DNAH12: variants seen among roughly 807,000 people sequenced by gnomAD.
DNAH12 encodes axonemal beta dynein heavy chain 12.
In DNAH12, 285 loss-of-function variants were observed where a neutral mutation model predicts 371.5. That is an observed-to-expected ratio of 0.77 (90% confidence interval 0.70 to 0.85). The LOEUF (loss-of-function observed/expected upper bound fraction) is 0.85, where lower values mean the gene tolerates loss of function less well. DNAH12 is among the 40% of genes least tolerant of loss of function. The pLI is 0.00. For synonymous variants in DNAH12, 1,200 were observed against 1,213.0 expected (o/e 0.99, Z 0.22); for missense variants, 3,611 against 3,689.4 (o/e 0.98, Z 0.55).
chr3:57,549,780 T>C, the DNAH12 span, among the ~76,000 whole-genome samples: 1 of 151,668 alleles, frequency 6.6e-6, no homozygotes, highest in Non-Finnish European at 1.5e-5. Context: ...TGAACCACCA[T>C]GCCCAGCTAA....
chr3:57,424,536 G>A (rs941786690), intron 35 of DNAH12, among the ~76,000 whole-genome samples: 4 of 151,332 alleles, frequency 2.6e-5, no homozygotes, highest in African/African-American at 9.7e-5. Flanking sequence ...CCAGCACTTT[G>A]GGAGGCCGAT....
intron 2 of DNAH12, 107 bp downstream of exon 2, chr3:57,542,594 A>G: frequency 8.0e-7 from 1 of 1,253,600 alleles, no homozygotes; most frequent in Non-Finnish European, 1.1e-6. Flanking sequence ...TGAAAATAGT[A>G]TTTTACCCAT....
At chr3:57,448,192 C>T (rs1302894729) in intron 25 of DNAH12, among the ~76,000 whole-genome samples, 2 of 152,178 alleles carry the variant, frequency 1.3e-5, no homozygotes, top group African/African-American at 4.8e-5. Flanking sequence ...AGTCTTACAG[C>T]TCTTAAGGTG....
chr3:57,309,384 A>G (rs971060285), intron 68 of DNAH12, 130 bp from the exon 69 acceptor site: 9 of 770,252 alleles, frequency 1.2e-5, no homozygotes, highest in Admixed American at 3.2e-5. Flanking sequence ...AGTAATGTAT[A>G]TAAGTCCTAT....
chr3:57,488,844 C>G (rs932458091), intron 12 of DNAH12, among the ~76,000 whole-genome samples: 7 of 152,090 alleles, frequency 4.6e-5, no homozygotes, highest in African/African-American at 1.7e-4. Flanking sequence ...TATTCCCTCT[C>G]TAAAAGGCAA....
chr3:57,541,702 T>G (rs2153403552), intron 2 of DNAH12, among the ~76,000 whole-genome samples: 1 of 152,114 alleles, frequency 6.6e-6, no homozygotes, highest in East Asian at 1.9e-4. Context: ...TCTCTAATAG[T>G]ACATATACTG....
At chr3:57,504,334 A>T (rs2067668839) in intron 8 of DNAH12, 130 bp from the exon 9 acceptor site, 1 of 809,594 alleles carries the variant, frequency 1.2e-6, no homozygotes, top group Non-Finnish European at 1.9e-6. Flanking sequence ...CAATCCATTT[A>T]ATTGAAAATT....
intron 43 of DNAH12, among the ~76,000 whole-genome samples, chr3:57,398,577 G>T (rs914543334): frequency 6.6e-6 from 1 of 152,108 alleles, no homozygotes. Flanking sequence ...ATCTACAAGG[G>T]AATTACCTTA....
chr3:57,429,221 G>C (rs967350371), intron 33 of DNAH12, among the ~76,000 whole-genome samples: 3 of 151,330 alleles, frequency 2.0e-5, no homozygotes, highest in Non-Finnish European at 4.4e-5. Flanking sequence ...TTGTTGCCCA[G>C]GCTGGAGTGC....
chr3:57,302,063 C>G, intron 69 of DNAH12, 124 bp from the exon 70 acceptor site: 1 of 953,360 alleles, frequency 1.0e-6, no homozygotes, highest in Non-Finnish European at 1.6e-6. Context: ...TGTGTCACCT[C>G]CCATGTGGTG....
chr3:57,484,653 C>T (rs916639252), intron 12 of DNAH12, among the ~76,000 whole-genome samples: 6 of 151,972 alleles, frequency 3.9e-5, no homozygotes, highest in Non-Finnish European at 8.8e-5. Context: ...ACTAAGACCT[C>T]AAAAGCAAAC....
At chr3:57,505,509 T>G (rs563014610) in intron 8 of DNAH12, among the ~76,000 whole-genome samples, 1 of 152,088 alleles carries the variant, frequency 6.6e-6, no homozygotes, top group South Asian at 2.1e-4. Flanking sequence ...GGCACGATCT[T>G]GACTCACTGC....
chr3:57,497,675 G>A (rs184727200), intron 11 of DNAH12, among the ~76,000 whole-genome samples: 1 of 152,248 alleles, frequency 6.6e-6, no homozygotes, highest in Non-Finnish European at 1.5e-5. Flanking sequence ...TCTAAGAAAA[G>A]CTTCCAGAGT....
chr3:57,366,239 C>T (rs1439559324), intron 57 of DNAH12, among the ~76,000 whole-genome samples: 1 of 152,152 alleles, frequency 6.6e-6, no homozygotes, highest in Non-Finnish European at 1.5e-5. Context: ...TTTACAAATG[C>T]TATGACAATG....
chr3:57,475,340 G>C (rs9849699), intron 13 of DNAH12, among the ~76,000 whole-genome samples: 101,412 of 151,876 alleles, frequency 0.67, 34,103 homozygotes, highest in South Asian at 0.75. Context: ...AAGAAAGAGA[G>C]AAAGAGAGAG....
At chr3:57,500,515 T>C (rs1483465361) in intron 11 of DNAH12, among the ~76,000 whole-genome samples, 1 of 152,204 alleles carries the variant, frequency 6.6e-6, no homozygotes, top group Non-Finnish European at 1.5e-5. Context: ...CCCTGTTCCC[T>C]ATTCTTTAAC....
At chr3:57,390,424 A>AAAAAAAT in intron 45 of DNAH12, among the ~76,000 whole-genome samples, 1 of 33,434 alleles carries the variant, frequency 3.0e-5, no homozygotes, top group Non-Finnish European at 7.0e-5. Flanking sequence ...AAAAAAAAAA[A>AAAAAAAT]ATATATATAT....
intron 13 of DNAH12, among the ~76,000 whole-genome samples, chr3:57,478,587 C>A (rs2066619723): frequency 1.3e-5 from 2 of 152,110 alleles, no homozygotes; most frequent in Admixed American, 6.6e-5. Flanking sequence ...CACCAAGATA[C>A]TCCTCGAGAA....
chr3:57,346,801 G>A (rs1010087536), intron 60 of DNAH12, among the ~76,000 whole-genome samples: 1 of 152,062 alleles, frequency 6.6e-6, no homozygotes, highest in Admixed American at 6.5e-5. Flanking sequence ...AGGGGAAGTA[G>A]GGTAGCTATA....
Sources: allele counts gnomAD v4.1 joint callset (sites outside exome capture counted in the v4.1 genomes callset), GRCh38; gene constraint gnomAD v4.1.1; transcripts MANE v1.5; gene names NCBI Gene and HGNC (gene_info 2026-07-23, HGNC 2026-07-21).